SLC17A1: variants seen among roughly 807,000 people sequenced by gnomAD.
The protein encoded by SLC17A1 is solute carrier family 17 member 1, also known as sodium-dependent phosphate transport protein 1.
A neutral mutation model predicts 53.5 loss-of-function variants in SLC17A1; 51 were observed. The ratio of observed to expected loss-of-function variants is 0.95; its 90% CI spans 0.76 to 1.20. SLC17A1 has a LOEUF of 1.20. Ranked by LOEUF, SLC17A1 falls within the 50% of genes most tolerant of loss-of-function variation. SLC17A1 has a pLI of 0.00. For missense variants in SLC17A1, 538 were observed against 568.2 expected (o/e 0.95, Z 0.54); for synonymous variants, 179 against 198.8 (o/e 0.90, Z 0.84).
chr6:25,779,452 G>A (rs772317863), downstream of SLC17A1: 10 of 348,222 alleles, frequency 2.9e-5, no homozygotes, highest in Admixed American at 1.4e-4. Context: ...ATCAGGGGCT[G>A]GGGACAATTT....
chr6:25,727,181 T>C, the SLC17A1 span: 18 of 1,614,008 alleles, frequency 1.1e-5, no homozygotes, highest in Non-Finnish European at 1.5e-5. Context: ...GCTCCACCAT[T>C]TCTTCCAGAG....
rs374297138 is a variant in SLC17A1, at chr6:25,819,700, T to A, written c.423A>T (p.Ala141=). Residue 141 remains alanine, a synonymous_variant, in exon 4 of 13, where the codon GCA becomes GCT. Coordinates refer to ENST00000244527, the MANE Select transcript of SLC17A1 (RefSeq NM_005074.5). ...IGVAWVVVCR[A]VQGAAQGIVA... ...TTAATACCTGGGCTGCTCCCTGAACTGCTCGACATACAACGACCCAAGCTA... is the reference window on the plus strand; with the variant it reads ...TTAATACCTGGGCTGCTCCCTGAACAGCTCGACATACAACGACCCAAGCTA... 6.2e-7 allele frequency: 1 copy of A among 1,614,084 alleles called. No individual in the cohort carries two copies. The highest frequency in any genetic ancestry group is 8.5e-7 in the Non-Finnish European group (1 of 1,180,026).
the SLC17A1 span, among the ~76,000 whole-genome samples, chr6:25,762,319 T>C: frequency 6.6e-6 from 1 of 152,194 alleles, no homozygotes; most frequent in Non-Finnish European, 1.5e-5. Flanking sequence ...GAACAGGTTC[T>C]AAGTAGGAAA....
At position 25,812,996 on chromosome 6, in the gene SLC17A1, G is replaced by A. The variant is rs1195480346; in HGVS notation, c.736-4C>T. ...GAGATTGTCTACTTGAACTGACCTG[G>A]AGAGAAATTCATTAAGAATTAGCAC... On this transcript the variant is annotated splice_region_variant and splice_polypyrimidine_tract_variant and intron_variant, in intron 7 of 12. Transcript: ENST00000244527. 1 of 1,613,720 alleles carries A rather than the reference G, an allele frequency of 6.2e-7. No homozygotes were observed. The highest frequency in any genetic ancestry group is 8.5e-7 in the Non-Finnish European group (1 of 1,179,854).
chr6:25,728,021 CA>C, the SLC17A1 span, among the ~76,000 whole-genome samples: 2 of 151,778 alleles, frequency 1.3e-5, no homozygotes, highest in Admixed American at 6.6e-5. Flanking sequence ...AAAAACAAAA[CA>C]AAAAAACCCC....
In SLC17A1 at chr6:25,793,518, T is replaced by C. The variant is rs1021288288; in HGVS notation, c.*2+5265A>G. Among the ~76,000 whole-genome samples, 4 of 152,280 alleles carry C rather than the reference T, an allele frequency of 2.6e-5. No individual in the cohort carries two copies. The East Asian group carries it at 7.7e-4, about 29-fold the overall frequency. ...ATCGTGTTACCCTATTTCATGTTCT[T>C]TTTAGTATATCGGTGCCTGGAATTA... On this transcript the variant is annotated intron_variant, in intron 12 of 12. Transcript: ENST00000244527.
the SLC17A1 span, among the ~76,000 whole-genome samples, chr6:25,725,609 A>G: frequency 2.6e-5 from 4 of 152,054 alleles, no homozygotes; most frequent in African/African-American, 9.7e-5. Context: ...ACATAAATCT[A>G]GTTTGAGATA....
the SLC17A1 span, chr6:25,768,890 T>C: frequency 8.7e-7 from 1 of 1,151,536 alleles, no homozygotes; most frequent in East Asian, 2.4e-5. Context: ...TATTTCTGCA[T>C]CTCAGACAGA....
At chr6:25,776,496 TA>T in the SLC17A1 span, 1 of 1,441,944 alleles carries the variant, frequency 6.9e-7, no homozygotes, top group Non-Finnish European at 9.3e-7. Context: ...GATGCGTATA[TA>T]AAGAAAAGCC....
the SLC17A1 span, among the ~76,000 whole-genome samples, chr6:25,743,482 T>A: frequency 6.6e-6 from 1 of 152,230 alleles, no homozygotes; most frequent in African/African-American, 2.4e-5. Context: ...ATATAGCACC[T>A]TCTATGTAAT....
At chr6:25,793,299 G>T (rs967102848) in intron 12 of SLC17A1, among the ~76,000 whole-genome samples, 1 of 152,116 alleles carries the variant, frequency 6.6e-6, no homozygotes, top group African/African-American at 2.4e-5. Context: ...CATTCAGACA[G>T]TAAAGAAATA....
At chr6:25,728,829 A>G in the SLC17A1 span, among the ~76,000 whole-genome samples, 1 of 152,222 alleles carries the variant, frequency 6.6e-6, no homozygotes, top group Non-Finnish European at 1.5e-5. Context: ...CAAACAAAAA[A>G]ATATATCAAT....
Position 25,801,343 on chromosome 6 carries a change from T to C in SLC17A1, c.1179-363A>G, listed in dbSNP as rs375898853. Among the ~76,000 whole-genome samples, 14 of 152,346 alleles carry C rather than the reference T, an allele frequency of 9.2e-5. 3 individuals are homozygous for C. The highest frequency in any genetic ancestry group is 7.7e-4 in the East Asian group (4 of 5,192). ...AAAAAATTGAAGGGCTTTGTTCACC[T>C]GGTTTACTCCCATAGGTCCAGAGCT... is the stretch of plus-strand genomic sequence containing the variant. On this transcript the variant is annotated intron_variant, in intron 10 of 12. Transcript: ENST00000244527.
intron 11 of SLC17A1, among the ~76,000 whole-genome samples, chr6:25,800,211 G>A (rs577544895): frequency 8.9e-4 from 135 of 151,854 alleles, no homozygotes; most frequent in African/African-American, 3.0e-3. Context: ...GTGGCTTTAG[G>A]ATGTTATCTC....
chr6:25,785,013 G>A (rs1763350468), intron 12 of SLC17A1, among the ~76,000 whole-genome samples: 2 of 151,994 alleles, frequency 1.3e-5, no homozygotes, highest in Non-Finnish European at 2.9e-5. Context: ...AGAAATCCTA[G>A]GAAATCTACT....
the SLC17A1 span, chr6:25,768,261 G>T: frequency 2.3e-6 from 1 of 434,324 alleles, no homozygotes; most frequent in Non-Finnish European, 3.1e-6. Context: ...AAGAGCATTT[G>T]CTCCCTTTCA....
chr6:25,819,898 C>A lies in SLC17A1; in HGVS notation c.225G>T (p.Trp75Cys), dbSNP rs149708935. The change falls in exon 4 of 13, where the codon TGG (tryptophan) becomes TGT (cysteine). Residue 75 changes from tryptophan to cysteine, a missense_variant. By Grantham distance (215) the Trp-to-Cys change is radical (BLOSUM62 -2). Coordinates refer to ENST00000244527, the MANE Select transcript of SLC17A1 (RefSeq NM_005074.5). ...AGATGATTCCCTGGATATCTGGGCTCCAATTATACATAGGGTTCTAAAAGA... is the reference window on the plus strand; with the variant it reads ...AGATGATTCCCTGGATATCTGGGCTACAATTATACATAGGGTTCTAAAAGA... The part of the protein sequence containing the change: ...LDNIKNPMYN[W>C]SPDIQGIILS... 1.4e-3 allele frequency: 2,205 copies of A among 1,610,600 alleles called. 4 individuals are homozygous for A. Among genetic ancestry groups the A allele is most frequent in the Non-Finnish European group, 1.6e-3 (1,886 of 1,177,872 alleles).
the SLC17A1 span, among the ~76,000 whole-genome samples, chr6:25,727,955 T>C: frequency 6.6e-6 from 1 of 151,630 alleles, no homozygotes; most frequent in Non-Finnish European, 1.5e-5. Context: ...AGCCGGAGAT[T>C]GCAGTGAGCC....
chr6:25,749,195 A>G, the SLC17A1 span, among the ~76,000 whole-genome samples: 1 of 152,204 alleles, frequency 6.6e-6, no homozygotes, highest in Non-Finnish European at 1.5e-5. Flanking sequence ...TCCGCAGTGC[A>G]TTGTGCCCCT....
Sources: gnomAD v4.1 joint callset for allele counts (sites outside exome capture counted in the v4.1 genomes callset) on GRCh38, gnomAD v4.1.1 for gene constraint, MANE v1.5 for transcripts, NCBI Gene and HGNC (gene_info 2026-07-23, HGNC 2026-07-21) for gene names.